P2RY14: variants seen among roughly 807,000 people sequenced by gnomAD.
P2RY14 encodes the protein purinergic receptor P2Y14.
Under a neutral mutation model 0.9 loss-of-function variants are expected in P2RY14, and 2 were observed. The observed-to-expected ratio is 2.16, with a 90% CI of 0.88 to 6.79. P2RY14 has a LOEUF of 6.79. Ranked by LOEUF, P2RY14 falls within the 30% of genes most tolerant of loss-of-function variation. P2RY14 has a pLI of 0.05. For missense variants in P2RY14, 378 were observed against 400.1 expected (o/e 0.94, Z 0.47); for synonymous variants, 158 against 147.2 (o/e 1.07, Z -0.53).
At chr3:151,229,574 G>A (rs1486648508) in intron 1 of P2RY14, among the ~76,000 whole-genome samples, 10 of 151,004 alleles carry the variant, frequency 6.6e-5, no homozygotes, top group Middle Eastern at 3.4e-3. Flanking sequence ...CGCCTCCCGG[G>A]TTCATGCCAT....
intron 1 of P2RY14, among the ~76,000 whole-genome samples, chr3:151,219,895 C>T (rs906860534): frequency 2.5e-5 from 3 of 118,858 alleles, no homozygotes; most frequent in African/African-American, 9.6e-5. Context: ...TATATTACCC[C>T]CCCCCCCCCC....
In P2RY14 at chr3:151,269,139, G is replaced by A. The variant is rs145595535; in HGVS notation, c.-133+9148C>T. Among the ~76,000 whole-genome samples, 612 of 152,292 alleles carry A rather than the reference G, an allele frequency of 4.0e-3. 1 individual carries two copies. Among genetic ancestry groups the A allele is most frequent in the Non-Finnish European group, 6.7e-3 (456 of 68,030 alleles). On this transcript the variant is annotated intron_variant, in intron 1 of 2. Coordinates refer to ENST00000309170, the MANE Select transcript of P2RY14 (RefSeq NM_014879.4). ...CAAAAGGAAATACAGGCTGGGCGCGGTGGCTTATGCCTATACTCTGGGAGG... is the reference window on the plus strand; with the variant it reads ...CAAAAGGAAATACAGGCTGGGCGCGATGGCTTATGCCTATACTCTGGGAGG...
At chr3:151,232,744 C>T (rs181831065) in intron 1 of P2RY14, among the ~76,000 whole-genome samples, 8 of 152,208 alleles carry the variant, frequency 5.3e-5, no homozygotes, top group African/African-American at 1.4e-4. Flanking sequence ...CATGAGAACT[C>T]ATGGACACAA....
At position 151,214,092 on chromosome 3, in the gene P2RY14, A is replaced by T; in HGVS notation, c.225T>A (p.Pro75=). Residue 75 remains proline (P), a synonymous_variant, in exon 3 of 3, where the codon CCT becomes CCA. Coordinates refer to ENST00000309170, the MANE Select transcript of P2RY14 (RefSeq NM_014879.4). ...GGCCTGAGTCACCAAGGATCTTGAAAGGAAAAGTCAGGCTCATCACAAAGT... is the reference window on the plus strand; with the variant it reads ...GGCCTGAGTCACCAAGGATCTTGAATGGAAAAGTCAGGCTCATCACAAAGT... ...IADFVMSLTF[P]FKILGDSGLG... is the part of the protein sequence containing the mutation. The T allele has an allele frequency of 6.2e-7, 1 of 1,614,164 alleles. No individual in the cohort carries two copies. Among genetic ancestry groups the T allele is most frequent in the South Asian group, 1.1e-5 (1 of 91,086 alleles).
rs1311021174 is a variant in P2RY14 at position 151,213,189 on chromosome 3, G to A, written c.*111C>T. 2.6e-6 allele frequency: 2 copies of A among 779,304 alleles called. No individual in the cohort carries two copies. The highest frequency in any genetic ancestry group is 4.1e-6 in the Non-Finnish European group (2 of 489,522). The allele number at this position is 779,304 out of a possible 1,614,324, so 48.3% of individuals were successfully genotyped here. A position where few individuals can be genotyped will look rare whatever the true frequency, so the allele number is the denominator to read the frequency against. On this transcript the variant is annotated 3_prime_UTR_variant, in exon 3 of 3. Transcript: ENST00000309170. ...GAATTTTATTGAACTAAATTGGATGGCAGTGCTAGAGATGATATTTATGAT... is the reference window on the plus strand; with the variant it reads ...GAATTTTATTGAACTAAATTGGATGACAGTGCTAGAGATGATATTTATGAT...
rs80121514 is a variant in P2RY14 at position 151,255,278 on chromosome 3, G to C, written c.-133+23009C>G. ...ATTTGTTTGTAAAAATGCTGTTTTG[G>C]GATTTATACTAATGGGTACCCTTCA... On this transcript the variant is annotated intron_variant, in intron 1 of 2. Coordinates refer to ENST00000309170, the MANE Select transcript of P2RY14 (RefSeq NM_014879.4). Among the ~76,000 whole-genome samples, 185 of 152,182 alleles carry C rather than the reference G, an allele frequency of 1.2e-3. 2 individuals are homozygous for C. The highest frequency in any genetic ancestry group is 0.01 in the East Asian group (52 of 5,180).
chr3:151,243,456 A>G (rs1285125797), intron 1 of P2RY14, among the ~76,000 whole-genome samples: 1 of 152,176 alleles, frequency 6.6e-6, no homozygotes, highest in Non-Finnish European at 1.5e-5. Context: ...AGTGGGGGCC[A>G]ATATTCAACA....
intron 1 of P2RY14, 61 bp downstream of exon 1, chr3:151,278,226 T>G (rs961163877): frequency 2.6e-5 from 4 of 152,252 alleles, no homozygotes; most frequent in African/African-American, 4.8e-5. Flanking sequence ...AGAAATCTTT[T>G]CTGTTCCCAT....
intron 1 of P2RY14, among the ~76,000 whole-genome samples, chr3:151,254,253 CTG>C (rs1737396984): frequency 2.0e-5 from 3 of 152,186 alleles, no homozygotes; most frequent in South Asian, 4.1e-4. Context: ...ATTTAGCTCA[CTG>C]TGCACGTTTC....
intron 1 of P2RY14, among the ~76,000 whole-genome samples, chr3:151,266,360 A>G (rs1739833975): frequency 6.6e-6 from 1 of 152,226 alleles, no homozygotes; most frequent in South Asian, 2.1e-4. Flanking sequence ...GAAATCTCAA[A>G]CAGAAGAGAC....
chr3:151,246,956 A>C (rs1394324576), intron 1 of P2RY14, among the ~76,000 whole-genome samples: 1 of 152,190 alleles, frequency 6.6e-6, no homozygotes, highest in Non-Finnish European at 1.5e-5. Context: ...AAAAGTGGGC[A>C]AAGGACACGA....
intron 1 of P2RY14, among the ~76,000 whole-genome samples, chr3:151,223,266 A>T (rs1043564516): frequency 6.6e-6 from 1 of 151,850 alleles, no homozygotes; most frequent in African/African-American, 2.4e-5. Context: ...TTCAGTCCCT[A>T]TTGAAAGCAG....
At chr3:151,269,562 T>C (rs1001802245) in intron 1 of P2RY14, 3 of 297,710 alleles carry the variant, frequency 1.0e-5, no homozygotes, top group Non-Finnish European at 2.0e-5. Context: ...TTTCAAATTT[T>C]TGGGTAACAG....
chr3:151,268,738 G>A (rs559101712), intron 1 of P2RY14, among the ~76,000 whole-genome samples: 2 of 152,278 alleles, frequency 1.3e-5, no homozygotes, highest in African/African-American at 4.8e-5. Context: ...TGTTTACAAA[G>A]CACTTGTTCT....
At chr3:151,252,935 T>C (rs1032299177) in intron 1 of P2RY14, among the ~76,000 whole-genome samples, 7 of 152,184 alleles carry the variant, frequency 4.6e-5, no homozygotes, top group Non-Finnish European at 1.0e-4. Flanking sequence ...TGTACTACAT[T>C]AAAATGACAT....
At chr3:151,252,416 G>T (rs1055264752) in intron 1 of P2RY14, among the ~76,000 whole-genome samples, 1 of 152,106 alleles carries the variant, frequency 6.6e-6, no homozygotes. Context: ...CATAAATACT[G>T]ATTTTTAATT....
chr3:151,275,982 C>G (rs759530953), intron 1 of P2RY14, among the ~76,000 whole-genome samples: 1 of 152,066 alleles, frequency 6.6e-6, no homozygotes, highest in Non-Finnish European at 1.5e-5. Flanking sequence ...CAGCATCTGG[C>G]CAATGAAATG....
chr3:151,277,221 T>C (rs995747121), intron 1 of P2RY14, among the ~76,000 whole-genome samples: 4 of 151,832 alleles, frequency 2.6e-5, no homozygotes, highest in South Asian at 2.1e-4. Context: ...TTTTTTTTTT[T>C]CCAGACATGA....
chr3:151,256,825 T>TG (rs1431680474), intron 1 of P2RY14, among the ~76,000 whole-genome samples: 1 of 151,908 alleles, frequency 6.6e-6, no homozygotes, highest in Admixed American at 6.6e-5. Flanking sequence ...GTTTTTTTTT[T>TG]TTTCTTGGTG....
Sources: allele counts gnomAD v4.1 joint callset (sites outside exome capture counted in the v4.1 genomes callset), GRCh38; gene constraint gnomAD v4.1.1; transcripts MANE v1.5; gene names NCBI Gene and HGNC (gene_info 2026-07-23, HGNC 2026-07-21).